PLGRKT: variants seen among roughly 807,000 people sequenced by gnomAD.
PLGRKT encodes plasminogen receptor (KT).
In PLGRKT, 22 loss-of-function variants were observed where a neutral mutation model predicts 18.5. The ratio of observed to expected loss-of-function variants is 1.19; its 90% CI spans 0.85 to 1.70. The LOEUF (loss-of-function observed/expected upper bound fraction) is 1.70. Among genes scored for constraint, PLGRKT ranks in the 40% most tolerant of loss-of-function variants. PLGRKT has a pLI of 0.00. For missense variants in PLGRKT, 235 were observed against 174.4 expected (o/e 1.35, Z -1.96); for synonymous variants, 72 against 52.8 (o/e 1.36, Z -1.58).
chr9:5,360,959 T>C (rs546592767), intron 5 of PLGRKT, 119 bp downstream of exon 5: 82 of 617,646 alleles, frequency 1.3e-4, no homozygotes, highest in East Asian at 8.3e-5. Flanking sequence ...ATGTTGCTCA[T>C]TGGAGGTTCA....
At chr9:5,380,476 A>G (rs1211929658) in intron 3 of PLGRKT, among the ~76,000 whole-genome samples, 2 of 152,010 alleles carry the variant, frequency 1.3e-5, no homozygotes, top group African/African-American at 4.8e-5. Context: ...TCCTCATTTA[A>G]TCATAAATCA....
In PLGRKT at chr9:5,402,541, C is replaced by A. The variant is rs563037816; in HGVS notation, c.81+29356G>T. 5.9e-4 allele frequency among the ~76,000 whole-genome samples: 89 copies of A among 152,056 alleles called. 1 individual carries two copies. The South Asian group carries it at 0.018, about 31-fold the overall frequency. On this transcript the variant is annotated intron_variant, in intron 3 of 5. Transcript: ENST00000223864. ...AGACTCCTGCTGGGAACCACACTGG[C>A]TGATCCCCATCAGAAGCCAGAGGGC...
chr9:5,359,834 C>G (rs1259692851), intron 5 of PLGRKT, among the ~76,000 whole-genome samples: 1 of 152,074 alleles, frequency 6.6e-6, no homozygotes, highest in Non-Finnish European at 1.5e-5. Context: ...ATTTACCAAC[C>G]AGTTCTCTGA....
At chr9:5,381,875 TC>T (rs1817753559) in intron 3 of PLGRKT, 1 of 984,528 alleles carries the variant, frequency 1.0e-6, no homozygotes, top group South Asian at 4.7e-5. Context: ...TCCTCACAGA[TC>T]CTTAAGTTGT....
intron 3 of PLGRKT, among the ~76,000 whole-genome samples, chr9:5,394,954 C>T (rs1390858067): frequency 1.3e-5 from 2 of 151,708 alleles, no homozygotes; most frequent in Admixed American, 1.3e-4. Flanking sequence ...CAGAGGGGCC[C>T]CCATTCTGCA....
At chr9:5,425,748 G>C (rs1256128947) in intron 3 of PLGRKT, among the ~76,000 whole-genome samples, 2 of 152,114 alleles carry the variant, frequency 1.3e-5, no homozygotes, top group Non-Finnish European at 2.9e-5. Flanking sequence ...AGCCTGACCA[G>C]TGGTATAAGA....
intron 3 of PLGRKT, chr9:5,419,050 G>C: frequency 2.5e-6 from 1 of 396,910 alleles, no homozygotes; most frequent in Non-Finnish European, 4.9e-6. Flanking sequence ...GCCGCTCTGC[G>C]TCTTTCCAGT....
At chr9:5,376,372 A>C (rs1442704932) in intron 3 of PLGRKT, among the ~76,000 whole-genome samples, 1 of 152,180 alleles carries the variant, frequency 6.6e-6, no homozygotes, top group East Asian at 1.9e-4. Context: ...TGCCACCACC[A>C]CTTATTAGCT....
intron 3 of PLGRKT, among the ~76,000 whole-genome samples, chr9:5,415,000 G>T (rs772641757): frequency 1.4e-4 from 21 of 152,150 alleles, no homozygotes; most frequent in Non-Finnish European, 3.1e-4. Flanking sequence ...TTGCTAAGAG[G>T]ACAATCATCA....
intron 3 of PLGRKT, among the ~76,000 whole-genome samples, chr9:5,369,256 G>C: frequency 6.6e-6 from 1 of 151,992 alleles, no homozygotes; most frequent in African/African-American, 2.4e-5. Context: ...AAATTTACAA[G>C]AAAAAAAGAA....
intron 3 of PLGRKT, among the ~76,000 whole-genome samples, chr9:5,407,662 A>T (rs1026944397): frequency 6.6e-6 from 1 of 152,188 alleles, no homozygotes; most frequent in Non-Finnish European, 1.5e-5. Context: ...CAAAAAAAAA[A>T]AAATTCTGAA....
intron 3 of PLGRKT, among the ~76,000 whole-genome samples, chr9:5,416,196 C>T (rs992803529): frequency 6.6e-6 from 1 of 151,924 alleles, no homozygotes; most frequent in Non-Finnish European, 1.5e-5. Flanking sequence ...TCTAATAATA[C>T]TTCAGATTGT....
intron 5 of PLGRKT, among the ~76,000 whole-genome samples, chr9:5,358,943 C>T (rs529488771): frequency 2.0e-5 from 3 of 152,210 alleles, no homozygotes; most frequent in South Asian, 2.1e-4. Context: ...GTTTTATTGT[C>T]GAAGACTACT....
Position 5,407,387 on chromosome 9 carries a change from TA to T in PLGRKT, c.81+24509del. On this transcript the variant is annotated intron_variant, in intron 3 of 5. Coordinates refer to ENST00000223864, the MANE Select transcript of PLGRKT (RefSeq NM_018465.4). ...AAATTTGTGTTTATTGAACATAATC[TA>T]AATTGTTCTTCTTCCAAGGAAAGCA... 2.0e-5 allele frequency among the ~76,000 whole-genome samples: 3 copies of T among 152,310 alleles called. No homozygotes were observed. In the South Asian group the frequency reaches 6.2e-4, roughly 32 times the overall value.
chr9:5,361,233 T>C (rs767738275), intron 4 of PLGRKT, 46 bp from the exon 5 acceptor site: 1 of 1,075,068 alleles, frequency 9.3e-7, no homozygotes, highest in Admixed American at 2.0e-5. Flanking sequence ...AAATAACCTG[T>C]AAATACATAT....
intron 3 of PLGRKT, among the ~76,000 whole-genome samples, chr9:5,413,172 C>G (rs773763763): frequency 6.6e-6 from 1 of 152,196 alleles, no homozygotes; most frequent in Admixed American, 6.5e-5. Context: ...CTAACAAGTA[C>G]TTGCCTTTAA....
intron 3 of PLGRKT, among the ~76,000 whole-genome samples, chr9:5,368,271 C>T (rs756701339): frequency 2.0e-5 from 3 of 152,098 alleles, no homozygotes; most frequent in Admixed American, 6.5e-5. Context: ...ACAAAAAAGA[C>T]GTATCTACTC....
At chr9:5,417,399 A>C (rs1302517175) in intron 3 of PLGRKT, among the ~76,000 whole-genome samples, 1 of 152,216 alleles carries the variant, frequency 6.6e-6, no homozygotes, top group Non-Finnish European at 1.5e-5. Context: ...CCCAAGACCT[A>C]AATTTAAGAG....
At chr9:5,373,991 A>G (rs1317739933) in intron 3 of PLGRKT, among the ~76,000 whole-genome samples, 1 of 152,060 alleles carries the variant, frequency 6.6e-6, no homozygotes, top group African/African-American at 2.4e-5. Flanking sequence ...TTTCCCCCAG[A>G]ATGTCCTTCT....
Sources: allele counts gnomAD v4.1 joint callset (sites outside exome capture counted in the v4.1 genomes callset), GRCh38; gene constraint gnomAD v4.1.1; transcripts MANE v1.5; gene names NCBI Gene and HGNC (gene_info 2026-07-23, HGNC 2026-07-21).